The following N4BP2 variants were observed in gnomAD, a reference collection of about 807,000 sequenced individuals.
N4BP2 encodes NEDD4 binding protein 2.
Under a neutral mutation model 152.8 loss-of-function variants are expected in N4BP2, and 91 were observed. The observed-to-expected ratio is 0.60, with a 90% CI of 0.50 to 0.71. The LOEUF is 0.71. N4BP2 is among the 30% of genes least tolerant of loss of function. N4BP2 has a pLI of 0.00. For missense variants in N4BP2, 1,923 were observed against 2,059.1 expected (o/e 0.93, Z 1.28); for synonymous variants, 646 against 705.3 (o/e 0.92, Z 1.33).
chr4:40,104,196 C>G (rs1411685144), intron 4 of N4BP2, among the ~76,000 whole-genome samples: 1 of 151,974 alleles, frequency 6.6e-6, no homozygotes, highest in Non-Finnish European at 1.5e-5. Flanking sequence ...TCGTGATCCA[C>G]CCGCCCCGGC....
At chr4:40,142,266 A>G (rs1317805310) in intron 14 of N4BP2, 4 of 313,318 alleles carry the variant, frequency 1.3e-5, no homozygotes, top group Non-Finnish European at 2.5e-5. Context: ...AGTTTTTTCA[A>G]CTGCTCTGGT....
intron 3 of N4BP2, chr4:40,099,971 A>T: frequency 3.1e-6 from 1 of 321,956 alleles, no homozygotes; most frequent in Non-Finnish European, 6.0e-6. Flanking sequence ...TAGTATTGCT[A>T]TGATCTCCTA....
chr4:40,084,631 ATT>A (rs67269894), intron 2 of N4BP2, among the ~76,000 whole-genome samples: 74 of 128,658 alleles, frequency 5.8e-4, no homozygotes, highest in African/African-American at 1.2e-3. Flanking sequence ...TATATATATA[ATT>A]TTTTTTTTTT....
chr4:40,147,709 G>T (rs1720715365), intron 16 of N4BP2, among the ~76,000 whole-genome samples: 1 of 151,416 alleles, frequency 6.6e-6, no homozygotes, highest in African/African-American at 2.4e-5. Flanking sequence ...CCCAGACGGG[G>T]CGGCTGGCCC....
intron 4 of N4BP2, among the ~76,000 whole-genome samples, chr4:40,105,800 C>T (rs770145680): frequency 4.6e-5 from 7 of 152,286 alleles, no homozygotes; most frequent in Middle Eastern, 3.4e-3. Flanking sequence ...GTCTTCCCAC[C>T]TCAGCCTCCC....
chr4:40,112,063 T>C (rs187816981), intron 5 of N4BP2, 21 bp from the exon 6 acceptor site: 1 of 1,264,518 alleles, frequency 7.9e-7, no homozygotes. Context: ...AAATGATTTT[T>C]AATTATGTTA....
intron 1 of N4BP2, among the ~76,000 whole-genome samples, chr4:40,057,745 T>G (rs967537645): frequency 2.0e-5 from 3 of 151,890 alleles, no homozygotes; most frequent in Non-Finnish European, 2.9e-5. Context: ...GGGCACAGTT[T>G]ATCTCTCATG....
rs756414846 is a variant in N4BP2 at position 40,131,860 on chromosome 4, CTTTAAGATA to C, written c.4591_4599del (p.Lys1531_Phe1533del). On this transcript the variant is annotated inframe_deletion, in exon 13 of 18. Coordinates refer to ENST00000261435, the MANE Select transcript of N4BP2 (RefSeq NM_018177.6). ...CCACTAAACTAAAGGAGAAGCAGCTCTTTAAGATATTTCCAGCCATTAACCAAAATTTTC... is the reference window on the plus strand; with the variant it reads ...CCACTAAACTAAAGGAGAAGCAGCTCTTTCCAGCCATTAACCAAAATTTTC... 1.9e-6 allele frequency: 3 copies of C among 1,613,670 alleles called. No individual in the cohort carries two copies. Among genetic ancestry groups the C allele is most frequent in the East Asian group, 2.2e-5 (1 of 44,800 alleles).
chr4:40,078,554 TCGCTTTATCG>T (rs1195509251), intron 2 of N4BP2, among the ~76,000 whole-genome samples: 2 of 151,448 alleles, frequency 1.3e-5, no homozygotes, highest in Non-Finnish European at 2.9e-5. Flanking sequence ...AGTCAGGGTC[TCGCTTTATCG>T]CCCAGGCTGG....
chr4:40,120,503 G>T lies in N4BP2; in HGVS notation c.2392G>T (p.Gly798Cys), dbSNP rs767302466. The T allele has an allele frequency of 1.2e-5, 19 of 1,613,530 alleles. No individual in the cohort carries two copies. The highest frequency in any genetic ancestry group is 1.6e-5 in the Non-Finnish European group (19 of 1,179,896). Residue 798 changes from glycine to cysteine, a missense_variant, in exon 9 of 18, where the codon GGT becomes TGT. Physicochemically the swap from Gly to Cys is radical, Grantham distance 159. Transcript: ENST00000261435. ...TGACTGGCCAGTTGATAAGACTATT[G>T]GTCAGAGGACAAAAAGGAACAGAAA... Reference protein sequence around the residue: ...VGDWPVDKTIGQRTKRNRKTE... With the variant: ...VGDWPVDKTICQRTKRNRKTE...
At chr4:40,106,541 CTT>C (rs1181715359) in intron 4 of N4BP2, among the ~76,000 whole-genome samples, 2 of 151,914 alleles carry the variant, frequency 1.3e-5, no homozygotes, top group East Asian at 1.9e-4. Flanking sequence ...GATTTTTACT[CTT>C]TTATTTTATT....
At chr4:40,122,423 G>C in intron 9 of N4BP2, 114 bp downstream of exon 9, 4 of 606,360 alleles carry the variant, frequency 6.6e-6, no homozygotes, top group Non-Finnish European at 1.0e-5. Context: ...GCCCAGGCTG[G>C]AGTGCAGTGC....
the N4BP2 span, among the ~76,000 whole-genome samples, chr4:40,176,946 AT>A: frequency 6.6e-6 from 1 of 152,206 alleles, no homozygotes; most frequent in Non-Finnish European, 1.5e-5. Context: ...TTTTCACCCA[AT>A]AAAATCCTTT....
At chr4:40,081,070 G>C (rs905471285) in intron 2 of N4BP2, among the ~76,000 whole-genome samples, 19 of 151,542 alleles carry the variant, frequency 1.3e-4, no homozygotes, top group African/African-American at 4.4e-4. Context: ...GGAATGGAAG[G>C]GATATATAGC....
At chr4:40,067,514 A>G (rs1711650627) in intron 1 of N4BP2, among the ~76,000 whole-genome samples, 1 of 151,778 alleles carries the variant, frequency 6.6e-6, no homozygotes. Flanking sequence ...TATCTCTTGG[A>G]GATCCTGTTA....
rs369960538 is a variant in N4BP2, at chr4:40,120,687, C to G, written c.2576C>G (p.Ala859Gly). Residue 859 changes from alanine (A) to glycine (G), a missense_variant, in exon 9 of 18, where the codon GCT (alanine) becomes GGT (glycine). Transcript: ENST00000261435. ...GGCAGAAAGTCACAGTGTGATGATGCTTCAGAGCCACTCAATAGCTATAAA... is the reference window on the plus strand; with the variant it reads ...GGCAGAAAGTCACAGTGTGATGATGGTTCAGAGCCACTCAATAGCTATAAA... The part of the protein sequence containing the change: ...EDGRKSQCDD[A>G]SEPLNSYKYD... The G allele has an allele frequency of 1.9e-6, 3 of 1,614,090 alleles. No individual in the cohort carries two copies. Among genetic ancestry groups the G allele is most frequent in the Non-Finnish European group, 2.5e-6 (3 of 1,180,000 alleles).
At chr4:40,189,509 C>T in the N4BP2 span, among the ~76,000 whole-genome samples, 1,056 of 152,248 alleles carry the variant, frequency 6.9e-3, 15 homozygotes, top group African/African-American at 0.024. This position sits in a 1 kb window ranked among gnomAD's most constrained non-coding sequence, Gnocchi z 4.3. Flanking sequence ...GAATAGGAAG[C>T]GGACTGTGCA....
At chr4:40,135,195 G>A (rs1387223847) in intron 13 of N4BP2, among the ~76,000 whole-genome samples, 12 of 149,144 alleles carry the variant, frequency 8.0e-5, no homozygotes, top group African/African-American at 3.0e-4. Flanking sequence ...GAGAATATAC[G>A]GTGTTTGGTT....
the N4BP2 span, among the ~76,000 whole-genome samples, chr4:40,165,433 G>A: frequency 4.7e-3 from 722 of 152,274 alleles, 6 homozygotes; most frequent in Non-Finnish European, 9.1e-3. Context: ...ATTTATAGTA[G>A]AGATGGGGTT....
Sources: gnomAD v4.1 joint callset for allele counts (sites outside exome capture counted in the v4.1 genomes callset) on GRCh38, gnomAD v4.1.1 for gene constraint, Gnocchi (gnomAD v3.1) non-coding constraint, MANE v1.5 for transcripts, NCBI Gene and HGNC (gene_info 2026-07-23, HGNC 2026-07-21) for gene names.